The following RIMS2 variants were observed in gnomAD, a reference collection of about 807,000 sequenced individuals.
The protein encoded by RIMS2 is regulating synaptic membrane exocytosis protein 2.
RIMS2 carries 59 observed loss-of-function variants against 174.4 expected under a neutral mutation model. The ratio of observed to expected loss-of-function variants is 0.34; its 90% confidence interval spans 0.27 to 0.42. The LOEUF (loss-of-function observed/expected upper bound fraction) is 0.42. Among genes scored for constraint, RIMS2 ranks in the 10% least tolerant of loss-of-function variants. The probability of loss-of-function intolerance (pLI) is 1.00; values close to 1 mark genes in which losing one functional copy is unlikely to be tolerated. For missense variants in RIMS2, 1,620 were observed against 1,666.3 expected (o/e 0.97, Z 0.48); for synonymous variants, 606 against 572.5 (o/e 1.06, Z -0.84).
chr8:104,068,539 G>A lies in RIMS2; in HGVS notation c.3334+53924G>A, dbSNP rs369227251. ...ACTATGGATATAGAGGAGAGAAATC[G>A]CCAAATGAAAATTAACAAATACAAA... On this transcript the variant is annotated intron_variant, in intron 19 of 23. Transcript: ENST00000504942. 1,114 of 1,558,162 alleles carry A rather than the reference G, an allele frequency of 7.1e-4. 12 individuals are homozygous for A. In the South Asian group the frequency reaches 0.012, roughly 16 times the overall value.
At chr8:104,197,001 A>T (rs1035367081) in intron 19 of RIMS2, among the ~76,000 whole-genome samples, 3 of 152,136 alleles carry the variant, frequency 2.0e-5, no homozygotes, top group Non-Finnish European at 4.4e-5. Context: ...TTTCCTATAG[A>T]TAAATCAGGC....
intron 19 of RIMS2, among the ~76,000 whole-genome samples, chr8:104,099,787 A>G (rs1349291902): frequency 6.6e-6 from 1 of 151,604 alleles, no homozygotes; most frequent in Non-Finnish European, 1.5e-5. Context: ...TCTGCCCCAT[A>G]TGATCGGCAG....
At chr8:104,123,123 T>G (rs1250626112) in intron 19 of RIMS2, among the ~76,000 whole-genome samples, 1 of 152,082 alleles carries the variant, frequency 6.6e-6, no homozygotes, top group Non-Finnish European at 1.5e-5. Flanking sequence ...AAGAAAAATT[T>G]GCATTTGAAA....
intron 3 of RIMS2, among the ~76,000 whole-genome samples, chr8:103,772,894 C>T (rs866253235): frequency 2.6e-4 from 40 of 151,840 alleles, no homozygotes; most frequent in African/African-American, 9.2e-4. Flanking sequence ...AACTGAATAT[C>T]CATATGCAAA....
At chr8:104,153,121 CAT>C (rs2098700106) in intron 19 of RIMS2, among the ~76,000 whole-genome samples, 1 of 152,098 alleles carries the variant, frequency 6.6e-6, no homozygotes, top group African/African-American at 2.4e-5. Flanking sequence ...GACCAACACA[CAT>C]AGAGGCTAAG....
chr8:104,246,322 C>G (rs1290509005), intron 20 of RIMS2, among the ~76,000 whole-genome samples: 18 of 152,052 alleles, frequency 1.2e-4, no homozygotes, highest in Admixed American at 1.2e-3. Flanking sequence ...TGGGTCTTTT[C>G]TTTTCTTTCT....
chr8:103,920,906 G>A lies in RIMS2; in HGVS notation c.2084-766G>A, dbSNP rs892992451. On this transcript the variant is annotated intron_variant, in intron 9 of 23. Transcript: ENST00000504942. ...CCCAGCTACTTGGGAGGCTGAGGCAGGAGAATGGCGTGAACCCGGGAGGCG... is the reference window on the plus strand; with the variant it reads ...CCCAGCTACTTGGGAGGCTGAGGCAAGAGAATGGCGTGAACCCGGGAGGCG... 95 of 327,230 alleles carry A rather than the reference G, an allele frequency of 2.9e-4. 1 individual carries two copies. Among genetic ancestry groups the A allele is most frequent in the Non-Finnish European group, 4.8e-4 (81 of 168,994 alleles). The allele number at this position is 327,230 out of a possible 1,614,324, so 20.3% of individuals were successfully genotyped here. A position where few individuals can be genotyped will look rare whatever the true frequency, so the allele number is the denominator to read the frequency against.
At chr8:103,865,190 T>G (rs2099078596) in intron 3 of RIMS2, among the ~76,000 whole-genome samples, 1 of 151,544 alleles carries the variant, frequency 6.6e-6, no homozygotes, top group Non-Finnish European at 1.5e-5. Context: ...ATACAAAGTC[T>G]CATGAATTAT....
At chr8:104,016,687 AT>A (rs1468204522) in intron 19 of RIMS2, among the ~76,000 whole-genome samples, 1 of 152,092 alleles carries the variant, frequency 6.6e-6, no homozygotes, top group Non-Finnish European at 1.5e-5. Context: ...TTTCAACATC[AT>A]TTATTGGCAT....
At position 103,585,504 on chromosome 8, in the gene RIMS2, T is replaced by C. The variant is rs370855144; in HGVS notation, c.176+84442T>C. Among the ~76,000 whole-genome samples the C allele has an allele frequency of 4.6e-5, 7 of 152,238 alleles. 1 individual carries two copies. The highest frequency in any genetic ancestry group is 1.7e-4 in the African/African-American group (7 of 41,540). ...ACACAAATGCCCATCAATGATACAC[T>C]GGATAAAGAAAATGTGGCACATATA... is the stretch of plus-strand genomic sequence containing the variant. On this transcript the variant is annotated intron_variant, in intron 1 of 23. Transcript: ENST00000504942.
At chr8:103,811,111 G>T (rs1266499765) in intron 3 of RIMS2, among the ~76,000 whole-genome samples, 1 of 152,078 alleles carries the variant, frequency 6.6e-6, no homozygotes, top group African/African-American at 2.4e-5. Context: ...TCCTTATATT[G>T]TGGCTGTTGG....
chr8:103,717,728 A>G (rs557800870), intron 2 of RIMS2, among the ~76,000 whole-genome samples: 1 of 152,306 alleles, frequency 6.6e-6, no homozygotes, highest in Admixed American at 6.5e-5. Flanking sequence ...ATAAAAGTAT[A>G]ATTTTGTGTG....
intron 17 of RIMS2, chr8:103,998,381 C>A (rs538708049): frequency 2.9e-4 from 144 of 495,858 alleles, no homozygotes; most frequent in African/African-American, 2.7e-3. Flanking sequence ...AGAAATATCA[C>A]CCACATAAAA....
At chr8:103,688,393 C>T (rs2096968677) in intron 1 of RIMS2, among the ~76,000 whole-genome samples, 2 of 152,058 alleles carry the variant, frequency 1.3e-5, no homozygotes, top group South Asian at 4.1e-4. Context: ...TGGTGTATCA[C>T]ATTGATAGAA....
intron 3 of RIMS2, among the ~76,000 whole-genome samples, chr8:103,823,235 T>C (rs563813736): frequency 1.3e-5 from 2 of 151,952 alleles, no homozygotes; most frequent in Non-Finnish European, 2.9e-5. Flanking sequence ...TTAAAAACAG[T>C]CTTTCTCTCC....
chr8:104,020,123 G>T (rs150935560), intron 19 of RIMS2, among the ~76,000 whole-genome samples: 1 of 151,856 alleles, frequency 6.6e-6, no homozygotes, highest in African/African-American at 2.4e-5. Context: ...TATGAGATAG[G>T]AAGTATATAC....
Position 103,918,611 on chromosome 8 carries a change from A to C in RIMS2, c.2083+124A>C, listed in dbSNP as rs757940058. The C allele has an allele frequency of 5.7e-6, 4 of 705,692 alleles. No homozygotes were observed. In the South Asian group the frequency reaches 7.0e-5, roughly 12 times the overall value. The allele number at this position is 705,692 out of a possible 1,614,324, so 43.7% of individuals were successfully genotyped here. On this transcript the variant is annotated intron_variant, in intron 9 of 23. Transcript: ENST00000504942. ...TAACCTTGTTATCAAGTCTGTAAGC[A>C]TATAAAGATGGAAAATTTAGTATTA...
At chr8:104,168,193 C>T (rs1202388755) in intron 19 of RIMS2, among the ~76,000 whole-genome samples, 1 of 151,952 alleles carries the variant, frequency 6.6e-6, no homozygotes, top group Non-Finnish European at 1.5e-5. Context: ...TTTTCTAGCT[C>T]TGTGAAGAAT....
chr8:104,237,190 A>G (rs972725840), intron 19 of RIMS2, among the ~76,000 whole-genome samples: 1 of 152,202 alleles, frequency 6.6e-6, no homozygotes, highest in Non-Finnish European at 1.5e-5. Flanking sequence ...GCTGTATTCA[A>G]AATGGCCAAT....
Sources: gnomAD v4.1 joint callset for allele counts (sites outside exome capture counted in the v4.1 genomes callset) on GRCh38, gnomAD v4.1.1 for gene constraint, MANE v1.5 for transcripts, NCBI Gene and HGNC (gene_info 2026-07-23, HGNC 2026-07-21) for gene names.